COL24A1: variants seen among roughly 807,000 people sequenced by gnomAD.
COL24A1 encodes the protein collagen alpha-1(XXIV) chain.
COL24A1 carries 224 observed loss-of-function variants against 253.9 expected under a neutral mutation model. The ratio of observed to expected loss-of-function variants is 0.88; its 90% CI spans 0.79 to 0.99. The LOEUF is 0.99. Among genes scored for constraint, COL24A1 ranks in the 50% least tolerant of loss-of-function variants. The probability of loss-of-function intolerance (pLI) is 0.00; values close to 1 mark genes in which losing one functional copy is unlikely to be tolerated. For synonymous variants in COL24A1, 685 were observed against 673.7 expected, an observed-to-expected ratio of 1.02 and a Z score of -0.26; for missense variants, 2,131 against 2,068.5, an observed-to-expected ratio of 1.03 and a Z score of -0.59.
At chr1:85,878,464 G>A (rs1052463178) in intron 32 of COL24A1, among the ~76,000 whole-genome samples, 7 of 152,122 alleles carry the variant, frequency 4.6e-5, no homozygotes, top group African/African-American at 1.2e-4. Flanking sequence ...GGGGAAACAC[G>A]GTCCAATTAT....
At chr1:86,021,525 A>AG (rs1057393647) in intron 18 of COL24A1, among the ~76,000 whole-genome samples, 21 of 152,216 alleles carry the variant, frequency 1.4e-4, no homozygotes, top group African/African-American at 4.8e-4. Context: ...TTCTTAATAT[A>AG]AAAAATAGGA....
chr1:85,875,009 C>T (rs532764689), intron 34 of COL24A1, among the ~76,000 whole-genome samples: 1 of 152,294 alleles, frequency 6.6e-6, no homozygotes, highest in South Asian at 2.1e-4. Flanking sequence ...GCTTGATGAT[C>T]CGAGGTAGGA....
At chr1:86,092,463 T>C in intron 5 of COL24A1, 143 bp from the exon 6 acceptor site, 1 of 566,534 alleles carries the variant, frequency 1.8e-6, no homozygotes, top group South Asian at 2.9e-5. Context: ...GCATTGGTTA[T>C]TTCATTTTTT....
intron 1 of COL24A1, among the ~76,000 whole-genome samples, chr1:86,152,028 T>C (rs966608192): frequency 3.3e-5 from 5 of 152,236 alleles, no homozygotes; most frequent in Non-Finnish European, 7.4e-5. Context: ...CAGATTTTGC[T>C]CTTTACTAGC....
intron 56 of COL24A1, 80 bp from the exon 57 acceptor site, chr1:85,744,914 T>C (rs754323513): frequency 3.8e-5 from 41 of 1,084,890 alleles, no homozygotes; most frequent in Non-Finnish European, 4.4e-5. Flanking sequence ...AGAATGTGTT[T>C]CCATTATGTG....
At chr1:85,991,109 C>T (rs1345429780) in intron 19 of COL24A1, among the ~76,000 whole-genome samples, 1 of 152,146 alleles carries the variant, frequency 6.6e-6, no homozygotes, top group Non-Finnish European at 1.5e-5. Flanking sequence ...GATAAAAGAA[C>T]AGAATACCAC....
chr1:86,115,253 C>T, intron 4 of COL24A1, 72 bp downstream of exon 4: 1 of 1,492,332 alleles, frequency 6.7e-7, no homozygotes, highest in Non-Finnish European at 9.3e-7. Context: ...ACATACTGTA[C>T]AATACTAGAA....
intron 20 of COL24A1, among the ~76,000 whole-genome samples, chr1:85,973,690 C>T (rs571487256): frequency 1.3e-5 from 2 of 152,218 alleles, no homozygotes; most frequent in Admixed American, 6.5e-5. Context: ...AATGAGGTCC[C>T]CCTAACTCTC....
chr1:85,965,189 A>G, intron 22 of COL24A1, 127 bp from the exon 23 acceptor site: 1 of 698,276 alleles, frequency 1.4e-6, no homozygotes, highest in Non-Finnish European at 2.3e-6. Flanking sequence ...TATTTGATAA[A>G]TGTATTTCAT....
chr1:86,089,678 G>T (rs779477779), intron 6 of COL24A1, among the ~76,000 whole-genome samples: 1 of 152,028 alleles, frequency 6.6e-6, no homozygotes, highest in Non-Finnish European at 1.5e-5. Context: ...AAACTAGCCG[G>T]GCATGGTGTC....
chr1:86,118,396 G>A (rs1292303839), intron 3 of COL24A1, among the ~76,000 whole-genome samples: 1 of 152,136 alleles, frequency 6.6e-6, no homozygotes, highest in Non-Finnish European at 1.5e-5. Flanking sequence ...ATAAGGCACA[G>A]CAATCACTGA....
chr1:86,078,630 T>A (rs1254270329), intron 7 of COL24A1, among the ~76,000 whole-genome samples: 2 of 152,072 alleles, frequency 1.3e-5, no homozygotes, highest in Non-Finnish European at 2.9e-5. Flanking sequence ...GTATACAAAA[T>A]CAACATACAA....
intron 8 of COL24A1, among the ~76,000 whole-genome samples, chr1:86,062,889 G>A (rs1468658855): frequency 6.6e-6 from 1 of 152,034 alleles, no homozygotes; most frequent in East Asian, 1.9e-4. Flanking sequence ...AATTGGCTTT[G>A]TTTCTTCATT....
chr1:86,129,624 G>A (rs1648849402), intron 2 of COL24A1, among the ~76,000 whole-genome samples: 1 of 151,606 alleles, frequency 6.6e-6, no homozygotes, highest in African/African-American at 2.4e-5. Context: ...TTTCTGGAAA[G>A]TATTTTTATT....
At chr1:85,998,896 A>G (rs539754662) in intron 19 of COL24A1, among the ~76,000 whole-genome samples, 1 of 152,224 alleles carries the variant, frequency 6.6e-6, no homozygotes, top group Admixed American at 6.5e-5. Flanking sequence ...AAAAGTTGAC[A>G]CTCTGGAAAG....
intron 31 of COL24A1, among the ~76,000 whole-genome samples, chr1:85,895,409 T>C (rs1683575520): frequency 6.6e-6 from 1 of 152,180 alleles, no homozygotes; most frequent in Admixed American, 6.5e-5. Context: ...AAAAAGTTAG[T>C]TATTATGTTA....
intron 5 of COL24A1, among the ~76,000 whole-genome samples, chr1:86,110,293 T>A (rs1224431897): frequency 6.6e-6 from 1 of 151,920 alleles, no homozygotes; most frequent in Non-Finnish European, 1.5e-5. Context: ...ATATCTCCAT[T>A]CCCATGCTTT....
intron 14 of COL24A1, among the ~76,000 whole-genome samples, chr1:86,024,285 C>G (rs565986027): frequency 2.0e-5 from 3 of 152,172 alleles, no homozygotes; most frequent in African/African-American, 7.2e-5. Context: ...TTTTTTCCTG[C>G]CTTCCTAGTC....
intron 43 of COL24A1, among the ~76,000 whole-genome samples, chr1:85,824,148 G>A (rs955107105): frequency 3.9e-5 from 6 of 152,118 alleles, no homozygotes; most frequent in Non-Finnish European, 8.8e-5. Flanking sequence ...AAGAGCATAA[G>A]TGACACAGAG....
Sources: gnomAD v4.1 joint callset for allele counts (sites outside exome capture counted in the v4.1 genomes callset) on GRCh38, gnomAD v4.1.1 for gene constraint, MANE v1.5 for transcripts, NCBI Gene and HGNC (gene_info 2026-07-23, HGNC 2026-07-21) for gene names.